The following MLPH variants were observed in gnomAD, a reference collection of about 807,000 sequenced individuals.
The protein encoded by MLPH is melanophilin.
MLPH carries 51 observed loss-of-function variants against 72.1 expected under a neutral mutation model. The ratio of observed to expected loss-of-function variants is 0.71; its 90% confidence interval spans 0.56 to 0.89. MLPH has a LOEUF of 0.89. Ranked by LOEUF, MLPH falls within the 40% of genes least tolerant of loss-of-function variation. MLPH has a pLI of 0.00. For missense variants in MLPH, 743 were observed against 759.9 expected (o/e 0.98, Z 0.26); for synonymous variants, 301 against 310.1 (o/e 0.97, Z 0.31).
chr2:237,519,767 A>T, intron 5 of MLPH, 143 bp from the exon 6 acceptor site: 1 of 1,200,438 alleles, frequency 8.3e-7, no homozygotes, highest in Non-Finnish European at 1.2e-6. Flanking sequence ...GTTTGTTCCT[A>T]GTGGAGGGGG....
At chr2:237,536,042 A>G (rs139813672) in intron 9 of MLPH, among the ~76,000 whole-genome samples, 9 of 152,326 alleles carry the variant, frequency 5.9e-5, no homozygotes, top group Non-Finnish European at 4.4e-5. Flanking sequence ...AACAGCTTTA[A>G]GTTTGAATGA....
At chr2:237,486,777 A>G (rs2079325276), upstream of MLPH, 2 of 152,194 alleles carry the variant, frequency 1.3e-5, no homozygotes, top group African/African-American at 4.8e-5. Context: ...CCCTGGGCTT[A>G]AAGTCCTATT....
intron 4 of MLPH, among the ~76,000 whole-genome samples, chr2:237,517,258 G>A (rs1313414540): frequency 2.0e-5 from 3 of 151,666 alleles, no homozygotes; most frequent in Admixed American, 1.3e-4. Context: ...TGGATGGGTA[G>A]GTGAATGAGT....
chr2:237,534,925 A>G (rs2080501577), intron 9 of MLPH, among the ~76,000 whole-genome samples: 1 of 152,172 alleles, frequency 6.6e-6, no homozygotes, highest in Non-Finnish European at 1.5e-5. Flanking sequence ...CCCAGGGGAC[A>G]TAACTGGAGA....
At chr2:237,511,131 T>C (rs1251951562) in intron 4 of MLPH, 30 bp downstream of exon 4, 27 of 1,556,192 alleles carry the variant, frequency 1.7e-5, no homozygotes, top group Non-Finnish European at 2.3e-5. Context: ...AACGGCTTTT[T>C]GTTCCCAGGC....
chr2:237,515,823 G>A (rs1437407458), intron 4 of MLPH, among the ~76,000 whole-genome samples: 1 of 152,148 alleles, frequency 6.6e-6, no homozygotes, highest in Admixed American at 6.5e-5. Flanking sequence ...AGCTGTCAGG[G>A]TCAAGGGCTT....
intron 1 of MLPH, among the ~76,000 whole-genome samples, chr2:237,491,291 A>G (rs2079424296): frequency 1.3e-5 from 2 of 152,220 alleles, no homozygotes; most frequent in Admixed American, 1.3e-4. Flanking sequence ...GTTCCTGAGA[A>G]AATAGGTTCA....
At chr2:237,508,069 T>C (rs924689895) in intron 2 of MLPH, among the ~76,000 whole-genome samples, 17 of 151,462 alleles carry the variant, frequency 1.1e-4, no homozygotes, top group African/African-American at 4.1e-4. Flanking sequence ...ACTTTTAGGG[T>C]TTCATCAAGG....
At chr2:237,517,729 G>GTGGA (rs58864368) in intron 4 of MLPH, among the ~76,000 whole-genome samples, 5,042 of 135,084 alleles carry the variant, frequency 0.037, 115 homozygotes, top group East Asian at 0.073. Flanking sequence ...AAGTAAGTGG[G>GTGGA]TGGATGGATG....
intron 14 of MLPH, among the ~76,000 whole-genome samples, chr2:237,551,470 C>A (rs941248236): frequency 1.3e-5 from 2 of 152,248 alleles, no homozygotes; most frequent in African/African-American, 4.8e-5. Flanking sequence ...ACAGTCAGCT[C>A]TCAGGAGCCC....
Position 237,542,654 on chromosome 2 carries a change from C to T in MLPH, c.1534C>T (p.Leu512Phe), listed in dbSNP as rs558090433. The T allele has an allele frequency of 2.8e-5, 44 of 1,574,138 alleles. 1 individual carries two copies. In the South Asian group the frequency reaches 3.4e-4, roughly 12 times the overall value. The change falls in exon 12 of 16, where the codon CTC (leucine) becomes TTC (phenylalanine). Residue 512 changes from leucine to phenylalanine, a missense_variant. Transcript: ENST00000264605. ...PSGKPRRKSN[L>F]PIFLPRVAGK... ...GGGAAAGCCCCGGAGGAAGTCAAAC[C>T]TCCCGGTGAGTGGGGGGCAGTGGTG...
chr2:237,510,923 G>C lies in MLPH; in HGVS notation c.333-66G>C. 6.6e-7 allele frequency: 1 copy of C among 1,522,430 alleles called. No homozygotes were observed. Among genetic ancestry groups the C allele is most frequent in the Non-Finnish European group, 9.1e-7 (1 of 1,097,722 alleles). 94.3% of individuals were successfully genotyped at this position (1,522,430 alleles called of 1,614,324 possible). On this transcript the variant is annotated intron_variant, in intron 3 of 15. Transcript: ENST00000264605. The surrounding 1 kb of genome is among the most constrained non-coding windows in gnomAD (Gnocchi z 4.4). ...CTCGTGTGTGTGTGTGTGTGTGTGT[G>C]TGAGATTTATGCAGGCCTGTGTACA...
chr2:237,519,884 T>C, intron 5 of MLPH, 26 bp from the exon 6 acceptor site: 1 of 1,613,722 alleles, frequency 6.2e-7, no homozygotes, highest in Non-Finnish European at 8.5e-7. Context: ...CTGACTTGAG[T>C]CTTGCCCTGT....
At chr2:237,533,441 T>G (rs1423156373) in intron 8 of MLPH, among the ~76,000 whole-genome samples, 1 of 140,810 alleles carries the variant, frequency 7.1e-6, no homozygotes, top group East Asian at 2.2e-4. Flanking sequence ...ACACCCAAGC[T>G]GGAGTGCAAT....
intron 15 of MLPH, 50 bp downstream of exon 15, chr2:237,552,487 T>C: frequency 6.8e-7 from 1 of 1,473,110 alleles, no homozygotes; most frequent in Non-Finnish European, 9.5e-7. Context: ...CAGTGACCCG[T>C]CAGATTTATG....
At chr2:237,497,459 G>A (rs2079558075) in intron 2 of MLPH, among the ~76,000 whole-genome samples, 1 of 152,236 alleles carries the variant, frequency 6.6e-6, no homozygotes, top group South Asian at 2.1e-4. Context: ...GGTGCCTCGT[G>A]AGCCCCGGGG....
chr2:237,515,269 T>C (rs1478786189), intron 4 of MLPH, among the ~76,000 whole-genome samples: 1 of 152,138 alleles, frequency 6.6e-6, no homozygotes, highest in Non-Finnish European at 1.5e-5. Flanking sequence ...CAGGAGGCTT[T>C]GGAAGATGCG....
chr2:237,518,217 G>A (rs2080093889), intron 4 of MLPH: 3 of 441,700 alleles, frequency 6.8e-6, no homozygotes, highest in Non-Finnish European at 1.3e-5. Flanking sequence ...GATGGGTGGA[G>A]GATAGATAGG....
At chr2:237,506,479 G>A (rs1000952558) in intron 2 of MLPH, among the ~76,000 whole-genome samples, 1 of 152,182 alleles carries the variant, frequency 6.6e-6, no homozygotes, top group Non-Finnish European at 1.5e-5. Context: ...TTCCTCGAGT[G>A]AGCAATTCCT....
Sources: gnomAD v4.1 joint callset for allele counts (sites outside exome capture counted in the v4.1 genomes callset) on GRCh38, gnomAD v4.1.1 for gene constraint, Gnocchi (gnomAD v3.1) non-coding constraint, MANE v1.5 for transcripts, NCBI Gene and HGNC (gene_info 2026-07-23, HGNC 2026-07-21) for gene names.